Variants in CASP6 observed in about 807,000 individuals in gnomAD.
CASP6 encodes caspase 6.
A neutral mutation model predicts 31.8 loss-of-function variants in CASP6; 20 were observed. The observed-to-expected ratio is 0.63, with a 90% CI of 0.44 to 0.91. The LOEUF (loss-of-function observed/expected upper bound fraction) is 0.91, where lower values mean the gene tolerates loss of function less well. Ranked by LOEUF, CASP6 falls within the 40% of genes least tolerant of loss-of-function variation. The probability of loss-of-function intolerance (pLI) is 0.00; values close to 1 mark genes in which losing one functional copy is unlikely to be tolerated. For synonymous variants in CASP6, 130 were observed against 127.8 expected, an observed-to-expected ratio of 1.02 and a Z score of -0.12; for missense variants, 328 against 361.1, an observed-to-expected ratio of 0.91 and a Z score of 0.74.
At position 109,696,135 on chromosome 4, in the gene CASP6, T is replaced by C. The variant is rs5030566; in HGVS notation, c.307+275A>G. ...CACCTGTAGTACTTGCATTTTAGGC[T>C]TTTACTGCCAATTGAAGGGGTCATT... is the stretch of plus-strand genomic sequence containing the variant. On this transcript the variant is annotated intron_variant, in intron 4 of 6. Transcript: ENST00000265164. Among the ~76,000 whole-genome samples, 1,416 of 152,284 alleles carry C rather than the reference T, an allele frequency of 9.3e-3. 18 individuals carry two copies. Among genetic ancestry groups the C allele is most frequent in the South Asian group, 0.015 (72 of 4,822 alleles).
chr4:109,691,111 A>G (rs1279955280), intron 5 of CASP6, 102 bp from the exon 6 acceptor site: 1 of 1,245,334 alleles, frequency 8.0e-7, no homozygotes, highest in African/African-American at 1.5e-5. Flanking sequence ...TCATTACAAC[A>G]GAAACCACAT....
chr4:109,684,098 T>C (rs2126152752), downstream of CASP6, among the ~76,000 whole-genome samples: 1 of 150,132 alleles, frequency 6.7e-6, no homozygotes, highest in South Asian at 2.1e-4. Flanking sequence ...AGTCTTGCAC[T>C]GTCGCCCAGG....
chr4:109,697,143 CTT>C lies in CASP6; in HGVS notation c.230+477_230+478del, dbSNP rs1197372386. 5.3e-5 allele frequency among the ~76,000 whole-genome samples: 8 copies of C among 152,108 alleles called. No homozygotes were observed. In the East Asian group the frequency reaches 1.4e-3, roughly 26 times the overall value. On this transcript the variant is annotated intron_variant, in intron 3 of 6. Coordinates refer to ENST00000265164, the MANE Select transcript of CASP6 (RefSeq NM_001226.4). ...AAAGCAAGGCCCATGCTCCAACACT[CTT>C]GATCTGTTGTTACCTCATTAGTGTT...
At chr4:109,695,126 C>T (rs149795164) in intron 4 of CASP6, among the ~76,000 whole-genome samples, 21 of 152,226 alleles carry the variant, frequency 1.4e-4, no homozygotes, top group Admixed American at 5.2e-4. Context: ...CCACCATGCC[C>T]GGCCTACTCT....
the CASP6 span, among the ~76,000 whole-genome samples, chr4:109,665,794 GCTT>G: frequency 6.6e-6 from 1 of 151,962 alleles, no homozygotes; most frequent in East Asian, 1.9e-4. Flanking sequence ...TTTCAGATTC[GCTT>G]CTTTCTTTCT....
downstream of CASP6, chr4:109,684,939 A>AT: frequency 5.2e-6 from 2 of 388,308 alleles, no homozygotes; most frequent in Non-Finnish European, 9.1e-6. Context: ...ATTGCAAAAC[A>AT]TTCAGTAACA....
chr4:109,708,827 A>C, the CASP6 span, among the ~76,000 whole-genome samples: 4 of 152,238 alleles, frequency 2.6e-5, no homozygotes, highest in South Asian at 2.1e-4. Context: ...ACATAAATAC[A>C]GAACATTTTC....
the CASP6 span, among the ~76,000 whole-genome samples, chr4:109,709,257 A>G: frequency 6.6e-6 from 1 of 152,194 alleles, no homozygotes. Context: ...CTGAATCAGA[A>G]ACTCTGGGGG....
In CASP6 at chr4:109,703,426, C is replaced by T. The variant is rs763638794; in HGVS notation, c.-31G>A. On this transcript the variant is annotated 5_prime_UTR_variant, in exon 1 of 7. Coordinates refer to ENST00000265164, the MANE Select transcript of CASP6 (RefSeq NM_001226.4). ...CCAAACGCGCAGCCAGACACCTTGCCCTCCTCTTCCTGAAGCCACAGGCTC... is the reference window on the plus strand; with the variant it reads ...CCAAACGCGCAGCCAGACACCTTGCTCTCCTCTTCCTGAAGCCACAGGCTC... 2 of 1,608,216 alleles carry T rather than the reference C, an allele frequency of 1.2e-6. No individual in the cohort carries two copies. Among genetic ancestry groups the T allele is most frequent in the Non-Finnish European group, 1.7e-6 (2 of 1,177,840 alleles).
downstream of CASP6, among the ~76,000 whole-genome samples, chr4:109,686,987 T>C (rs936289053): frequency 3.3e-5 from 5 of 151,672 alleles, no homozygotes; most frequent in Non-Finnish European, 7.4e-5. Flanking sequence ...GAATATTAAG[T>C]GGAAAACCAT....
rs5030531 is a variant in CASP6, at chr4:109,701,211, C to CTA, written c.40+2144_40+2145insTA. Among the ~76,000 whole-genome samples, 763 of 152,286 alleles carry CTA rather than the reference C, an allele frequency of 5.0e-3. 4 individuals are homozygous for CTA. Among genetic ancestry groups the CTA allele is most frequent in the African/African-American group, 0.018 (734 of 41,560 alleles). On this transcript the variant is annotated intron_variant, in intron 1 of 6. Coordinates refer to ENST00000265164, the MANE Select transcript of CASP6 (RefSeq NM_001226.4). Reference sequence around the variant, plus strand: ...TCCTGGCCTCAAGTGATCCACCTGCCTCAGCCTCCTGGAAGTGCTGGGATT... The same window carrying CTA: ...TCCTGGCCTCAAGTGATCCACCTGCCTATCAGCCTCCTGGAAGTGCTGGGATT...
At chr4:109,691,154 T>C (rs1730043819) in intron 5 of CASP6, 145 bp from the exon 6 acceptor site, 2 of 809,562 alleles carry the variant, frequency 2.5e-6, no homozygotes, top group Admixed American at 3.9e-5. Context: ...CATTCAGGTT[T>C]GGAGGGCACA....
intron 5 of CASP6, among the ~76,000 whole-genome samples, chr4:109,693,741 A>T (rs1159322148): frequency 2.0e-5 from 3 of 150,942 alleles, no homozygotes; most frequent in East Asian, 1.9e-4. Context: ...CAAAAAAAAA[A>T]ATTTTTTTTT....
chr4:109,699,602 AC>A (rs1424359293), intron 1 of CASP6, among the ~76,000 whole-genome samples: 2 of 152,156 alleles, frequency 1.3e-5, no homozygotes, highest in Non-Finnish European at 2.9e-5. Context: ...CTGGATCCTA[AC>A]TGAGGCAGAA....
At chr4:109,675,121 A>C in the CASP6 span, among the ~76,000 whole-genome samples, 3 of 152,254 alleles carry the variant, frequency 2.0e-5, no homozygotes. Flanking sequence ...GAAAAGAATA[A>C]TTCTCTCTCA....
the CASP6 span, among the ~76,000 whole-genome samples, chr4:109,670,894 C>G: frequency 6.6e-6 from 1 of 152,168 alleles, no homozygotes; most frequent in Admixed American, 6.5e-5. Context: ...ACCTATGGGA[C>G]TCCCTGGAAT....
At chr4:109,697,906 A>G (rs937163856) in intron 2 of CASP6, 138 bp from the exon 3 acceptor site, 5 of 916,378 alleles carry the variant, frequency 5.5e-6, no homozygotes, top group African/African-American at 3.4e-5. Flanking sequence ...GCTCCAGGAA[A>G]GGCCATGCTA....
At chr4:109,691,976 CCACA>C (rs1730071181) in intron 5 of CASP6, 1 of 152,184 alleles carries the variant, frequency 6.6e-6, no homozygotes, top group Non-Finnish European at 1.5e-5. Flanking sequence ...GCTGTTTAAA[CCACA>C]CAGTCTGTGG....
At position 109,698,695 on chromosome 4, in the gene CASP6, G is replaced by A. The variant is rs117752413; in HGVS notation, c.41-353C>T. ...GCTTTGTTATGCAGAAAATGTTTTT[G>A]CACATTTTCTGAAAAAGAATTAAGT... On this transcript the variant is annotated intron_variant, in intron 1 of 6. Coordinates refer to ENST00000265164, the MANE Select transcript of CASP6 (RefSeq NM_001226.4). Among the ~76,000 whole-genome samples, 3 of 151,786 alleles carry A rather than the reference G, an allele frequency of 2.0e-5. No individual in the cohort carries two copies. In the East Asian group the frequency reaches 5.8e-4, roughly 29 times the overall value.
Sources: allele counts gnomAD v4.1 joint callset (sites outside exome capture counted in the v4.1 genomes callset), GRCh38; gene constraint gnomAD v4.1.1; transcripts MANE v1.5; gene names NCBI Gene and HGNC (gene_info 2026-07-23, HGNC 2026-07-21).